EYA1: variants seen among roughly 807,000 people sequenced by gnomAD.
EYA1 encodes the protein EYA transcriptional coactivator and phosphatase 1, also known as protein phosphatase EYA1.
In EYA1, 16 loss-of-function variants were observed where a neutral mutation model predicts 82.0. The ratio of observed to expected loss-of-function variants is 0.20; its 90% confidence interval spans 0.13 to 0.30. The LOEUF is 0.30. Ranked by LOEUF, EYA1 falls within the 10% of genes least tolerant of loss-of-function variation. The pLI, the probability that EYA1 is intolerant of heterozygous loss-of-function variation, is 1.00. For missense variants in EYA1, 633 were observed against 730.7 expected (o/e 0.87, Z 1.54); for synonymous variants, 261 against 264.4 (o/e 0.99, Z 0.12).
intron 2 of EYA1, among the ~76,000 whole-genome samples, chr8:71,500,001 T>A (rs1811700461): frequency 6.6e-6 from 1 of 152,120 alleles, no homozygotes; most frequent in African/African-American, 2.4e-5. Context: ...ATGATGGGGC[T>A]GGATAGTAAA....
chr8:71,322,547 G>T, intron 4 of EYA1: 1 of 433,676 alleles, frequency 2.3e-6, no homozygotes, highest in East Asian at 4.8e-5. Flanking sequence ...CATGCTGTGA[G>T]TTTTTACAGT....
chr8:71,244,813 T>C, intron 11 of EYA1, 121 bp from the exon 12 acceptor site: 2 of 656,296 alleles, frequency 3.0e-6, no homozygotes, highest in South Asian at 1.8e-5. Context: ...GAGAGAGACT[T>C]GGGCAACAGC....
chr8:71,307,538 A>G (rs2129011165), intron 7 of EYA1, among the ~76,000 whole-genome samples: 1 of 152,354 alleles, frequency 6.6e-6, no homozygotes, highest in South Asian at 2.1e-4. Flanking sequence ...TATAATCACT[A>G]TAGATTTAAA....
chr8:71,237,424 T>C (rs1334171135), intron 12 of EYA1, among the ~76,000 whole-genome samples: 1 of 152,240 alleles, frequency 6.6e-6, no homozygotes, highest in Non-Finnish European at 1.5e-5. Context: ...TCTTTACCTA[T>C]TTCTTAATGA....
At chr8:71,244,849 T>C (rs954947624) in intron 11 of EYA1, among the ~76,000 whole-genome samples, 157 bp from the exon 12 acceptor site, 3 of 152,204 alleles carry the variant, frequency 2.0e-5, no homozygotes, top group African/African-American at 7.2e-5. Context: ...GCATGACTTA[T>C]TCTGTGTGCA....
rs76259565 is a variant in EYA1, at chr8:71,215,369, A to G, written c.1597+18T>C. ...AGGAAAAGAGCTGATTGTTAAAAAG[A>G]AAAGAAAAGCAGCTCACCTATTTTA... On this transcript the variant is annotated intron_variant, in intron 16 of 17. Transcript: ENST00000340726. 0.011 allele frequency: 16,962 copies of G among 1,610,292 alleles called. 321 individuals are homozygous for G. The highest frequency in any genetic ancestry group is 0.073 in the African/African-American group (5,462 of 74,918).
chr8:71,431,724 A>G (rs1303643788), intron 2 of EYA1, among the ~76,000 whole-genome samples: 2 of 152,170 alleles, frequency 1.3e-5, no homozygotes, highest in Non-Finnish European at 2.9e-5. Context: ...AGTCTGTGTT[A>G]CTGAAAGAGA....
intron 3 of EYA1, among the ~76,000 whole-genome samples, chr8:71,350,557 T>A (rs1826200898): frequency 6.6e-6 from 1 of 152,202 alleles, no homozygotes; most frequent in Admixed American, 6.5e-5. Flanking sequence ...TGAATTACCA[T>A]CAGAATTCCT....
At chr8:71,545,387 A>C (rs1815469272) in intron 1 of EYA1, among the ~76,000 whole-genome samples, 1 of 152,184 alleles carries the variant, frequency 6.6e-6, no homozygotes, top group Non-Finnish European at 1.5e-5. Context: ...ATTTTCTAAG[A>C]AAAATTAGAC....
intron 17 of EYA1, among the ~76,000 whole-genome samples, chr8:71,201,260 C>T (rs560108513): frequency 6.6e-6 from 1 of 150,956 alleles, no homozygotes; most frequent in Non-Finnish European, 1.5e-5. Context: ...CAACCTGAGG[C>T]TTAGTGATGA....
chr8:71,333,749 T>C (rs1167651440), intron 4 of EYA1, among the ~76,000 whole-genome samples: 1 of 152,200 alleles, frequency 6.6e-6, no homozygotes, highest in Non-Finnish European at 1.5e-5. Context: ...AAATTTTGCC[T>C]AACCAAATTT....
At chr8:71,385,802 C>T (rs1828939491) in intron 2 of EYA1, among the ~76,000 whole-genome samples, 1 of 152,146 alleles carries the variant, frequency 6.6e-6, no homozygotes. Flanking sequence ...TTGAAACTCT[C>T]CAATAATTGA....
intron 2 of EYA1, among the ~76,000 whole-genome samples, chr8:71,494,199 C>T (rs1363874181): frequency 2.0e-5 from 3 of 152,030 alleles, no homozygotes; most frequent in Non-Finnish European, 2.9e-5. Flanking sequence ...TGACTTTGTA[C>T]ATCTGAAATT....
intron 2 of EYA1, among the ~76,000 whole-genome samples, chr8:71,412,683 A>G (rs930958439): frequency 6.6e-6 from 1 of 152,216 alleles, no homozygotes; most frequent in African/African-American, 2.4e-5. Context: ...AATACTCCAT[A>G]ATAGAGAGTT....
intron 2 of EYA1, among the ~76,000 whole-genome samples, chr8:71,418,305 C>A (rs921828387): frequency 3.3e-5 from 5 of 152,274 alleles, no homozygotes; most frequent in East Asian, 1.9e-4. Context: ...ACTTTTCTAG[C>A]TACTCTTAAA....
chr8:71,487,269 A>G (rs555450314), intron 2 of EYA1, among the ~76,000 whole-genome samples: 1 of 152,294 alleles, frequency 6.6e-6, no homozygotes, highest in South Asian at 2.1e-4. Flanking sequence ...TAATTTAATT[A>G]CTGTGGGTTA....
intron 2 of EYA1, among the ~76,000 whole-genome samples, chr8:71,374,031 C>T (rs987015693): frequency 3.3e-5 from 5 of 152,096 alleles, no homozygotes; most frequent in Admixed American, 3.3e-4. Context: ...TACCATACAA[C>T]TCTTAGAAGA....
intron 12 of EYA1, among the ~76,000 whole-genome samples, chr8:71,222,762 C>T (rs539873184): frequency 2.4e-4 from 36 of 152,334 alleles, no homozygotes; most frequent in African/African-American, 7.9e-4. Context: ...ATAAATGCTG[C>T]GATGCTGATG....
intron 9 of EYA1, among the ~76,000 whole-genome samples, chr8:71,288,551 C>T (rs745537402): frequency 1.1e-4 from 17 of 152,124 alleles, no homozygotes; most frequent in African/African-American, 1.9e-4. Flanking sequence ...CGATGCTAAA[C>T]GAAAATTAAA....
Sources: gnomAD v4.1 joint callset for allele counts (sites outside exome capture counted in the v4.1 genomes callset) on GRCh38, gnomAD v4.1.1 for gene constraint, MANE v1.5 for transcripts, NCBI Gene and HGNC (gene_info 2026-07-23, HGNC 2026-07-21) for gene names.